CARMIL1: variants seen among roughly 807,000 people sequenced by gnomAD.
CARMIL1 encodes F-actin-uncapping protein LRRC16A.
In CARMIL1, 90 loss-of-function variants were observed where a neutral mutation model predicts 177.1. That is an observed-to-expected ratio of 0.51 (90% CI 0.43 to 0.61). The LOEUF is 0.61. CARMIL1 is among the 20% of genes least tolerant of loss of function. The pLI is 0.00. For synonymous variants in CARMIL1, 577 were observed against 606.2 expected (o/e 0.95, Z 0.71); for missense variants, 1,380 against 1,667.0 (o/e 0.83, Z 3.00).
chr6:25,336,294 CA>C (rs1786222530), intron 2 of CARMIL1, among the ~76,000 whole-genome samples: 2 of 152,138 alleles, frequency 1.3e-5, no homozygotes, highest in African/African-American at 4.8e-5. Context: ...GTTGTTGCAC[CA>C]TCCTATGACC....
intron 11 of CARMIL1, among the ~76,000 whole-genome samples, chr6:25,479,924 T>C (rs945021205): frequency 1.3e-5 from 2 of 152,266 alleles, no homozygotes; most frequent in Non-Finnish European, 2.9e-5. Flanking sequence ...TAGAAATATA[T>C]TGCTTAAGTT....
chr6:25,488,261 T>C (rs994810702), intron 12 of CARMIL1, among the ~76,000 whole-genome samples: 1 of 152,230 alleles, frequency 6.6e-6, no homozygotes, highest in Non-Finnish European at 1.5e-5. Context: ...GCCAATTCAT[T>C]ACTCCTTCTG....
intron 29 of CARMIL1, among the ~76,000 whole-genome samples, chr6:25,568,549 C>T (rs927022141): frequency 6.6e-5 from 10 of 152,078 alleles, no homozygotes; most frequent in South Asian, 2.1e-4. Flanking sequence ...TAGCCAGAGC[C>T]GAGCTGTAGG....
intron 11 of CARMIL1, among the ~76,000 whole-genome samples, chr6:25,480,651 T>TTAAG (rs5875044): frequency 2.0e-5 from 3 of 146,664 alleles, no homozygotes; most frequent in Non-Finnish European, 3.0e-5. Context: ...TAAATTTAAA[T>TTAAG]TATTTATATT....
chr6:25,607,985 GTTTTC>G, intron 35 of CARMIL1, among the ~76,000 whole-genome samples: 1 of 152,150 alleles, frequency 6.6e-6, no homozygotes, highest in Non-Finnish European at 1.5e-5. Context: ...CATACACAAT[GTTTTC>G]ATGTAGAAGG....
At chr6:25,507,343 A>T (rs1805010890) in intron 17 of CARMIL1, 1 of 152,454 alleles carries the variant, frequency 6.6e-6, no homozygotes, top group African/African-American at 2.4e-5. Flanking sequence ...TTGGGAGAAA[A>T]TTTTAGTTAG....
At chr6:25,540,165 A>C in intron 26 of CARMIL1, 87 bp downstream of exon 26, 1 of 1,239,866 alleles carries the variant, frequency 8.1e-7, no homozygotes, top group Non-Finnish European at 1.1e-6. Context: ...TCTATGTTTT[A>C]TAGACTTGTA....
At position 25,480,674 on chromosome 6, in the gene CARMIL1, A is replaced by G. The variant is rs144451641; in HGVS notation, c.875-1583A>G. ...AATTATTTATATTTAATTTAAATTT[A>G]TATTTAATGTAATCATTGAAATATT... On this transcript the variant is annotated intron_variant, in intron 11 of 36. Transcript: ENST00000329474. Among the ~76,000 whole-genome samples, 95 of 147,536 alleles carry G rather than the reference A, an allele frequency of 6.4e-4. No individual in the cohort carries two copies. In the East Asian group the frequency reaches 0.018, roughly 28 times the overall value.
At chr6:25,384,958 G>A (rs1792005080) in intron 2 of CARMIL1, among the ~76,000 whole-genome samples, 1 of 152,148 alleles carries the variant, frequency 6.6e-6, no homozygotes, top group South Asian at 2.1e-4. Context: ...ATCTATCCAA[G>A]CATCCAGCAA....
At chr6:25,337,639 G>A (rs1786402709) in intron 2 of CARMIL1, among the ~76,000 whole-genome samples, 1 of 152,220 alleles carries the variant, frequency 6.6e-6, no homozygotes, top group Admixed American at 6.5e-5. Context: ...AGTGTGAAGG[G>A]CGATTGTGAT....
At chr6:25,427,596 G>A (rs2150730015) in intron 4 of CARMIL1, among the ~76,000 whole-genome samples, 1 of 152,270 alleles carries the variant, frequency 6.6e-6, no homozygotes, top group Admixed American at 6.5e-5. Flanking sequence ...TGGCTGAATT[G>A]TATAGTAGCT....
At chr6:25,355,832 G>C (rs149670751) in intron 2 of CARMIL1, among the ~76,000 whole-genome samples, 2 of 152,182 alleles carry the variant, frequency 1.3e-5, no homozygotes, top group Non-Finnish European at 2.9e-5. Context: ...TAATTGTGCA[G>C]TTCAGTAAAG....
intron 2 of CARMIL1, among the ~76,000 whole-genome samples, chr6:25,377,183 A>G (rs895868918): frequency 7.2e-5 from 11 of 152,292 alleles, no homozygotes; most frequent in Admixed American, 4.6e-4. Flanking sequence ...AGCCTCAGCT[A>G]TGTCGATAGT....
chr6:25,482,403 C>A, intron 12 of CARMIL1, 60 bp downstream of exon 12: 1 of 724,322 alleles, frequency 1.4e-6, no homozygotes, highest in Non-Finnish European at 2.3e-6. Context: ...CACCTGCTAC[C>A]TTAGTTAGAA....
intron 20 of CARMIL1, 24 bp downstream of exon 20, chr6:25,510,786 A>G (rs753575738): frequency 7.3e-7 from 1 of 1,374,226 alleles, no homozygotes; most frequent in South Asian, 1.3e-5. Flanking sequence ...TAAACTTTTT[A>G]CTAAAATCTT....
chr6:25,389,547 A>C (rs1792537581), intron 2 of CARMIL1, among the ~76,000 whole-genome samples: 1 of 152,166 alleles, frequency 6.6e-6, no homozygotes, highest in South Asian at 2.1e-4. Context: ...TCTTTTCTCC[A>C]AAGTGTAAAA....
intron 17 of CARMIL1, among the ~76,000 whole-genome samples, chr6:25,503,723 T>C (rs901483424): frequency 2.6e-5 from 4 of 152,224 alleles, no homozygotes; most frequent in Admixed American, 2.6e-4. Context: ...CTTTCTCCGA[T>C]GATCAGATAA....
At chr6:25,457,110 A>C (rs989495016) in intron 8 of CARMIL1, among the ~76,000 whole-genome samples, 1 of 152,134 alleles carries the variant, frequency 6.6e-6, no homozygotes, top group Non-Finnish European at 1.5e-5. Flanking sequence ...CTGTAGAAGA[A>C]TGGTCCTCAA....
chr6:25,396,268 TCACTGGGTCA>T (rs1289450154), intron 2 of CARMIL1, among the ~76,000 whole-genome samples: 2 of 152,240 alleles, frequency 1.3e-5, no homozygotes, highest in South Asian at 4.1e-4. Context: ...TCAAAATTTC[TCACTGGGTCA>T]CAGAATTACA....
Sources: gnomAD v4.1 joint callset for allele counts (sites outside exome capture counted in the v4.1 genomes callset) on GRCh38, gnomAD v4.1.1 for gene constraint, MANE v1.5 for transcripts, NCBI Gene and HGNC (gene_info 2026-07-23, HGNC 2026-07-21) for gene names.